Variants in DNER observed in about 807,000 individuals in gnomAD.
DNER encodes the protein delta and Notch-like epidermal growth factor-related receptor.
In DNER, 33 loss-of-function variants were observed where a neutral mutation model predicts 78.2. The observed-to-expected ratio is 0.42, with a 90% CI of 0.32 to 0.56. The LOEUF (loss-of-function observed/expected upper bound fraction) is 0.56. Ranked by LOEUF, DNER falls within the 20% of genes least tolerant of loss-of-function variation. The probability of loss-of-function intolerance (pLI) is 0.11; values close to 1 mark genes in which losing one functional copy is unlikely to be tolerated. For synonymous variants in DNER, 417 were observed against 384.8 expected, an observed-to-expected ratio of 1.08 and a Z score of -0.98; for missense variants, 918 against 975.3, an observed-to-expected ratio of 0.94 and a Z score of 0.78.
At chr2:229,686,317 C>T (rs1448944226) in intron 1 of DNER, among the ~76,000 whole-genome samples, 1 of 152,110 alleles carries the variant, frequency 6.6e-6, no homozygotes, top group Non-Finnish European at 1.5e-5. Context: ...ACCGCTGTCA[C>T]CACTGCCACC....
At chr2:229,484,360 C>T (rs1695227404) in intron 6 of DNER, among the ~76,000 whole-genome samples, 1 of 152,210 alleles carries the variant, frequency 6.6e-6, no homozygotes, top group African/African-American at 2.4e-5. Flanking sequence ...TTGGGAAACA[C>T]TGCAATGAGC....
intron 5 of DNER, among the ~76,000 whole-genome samples, chr2:229,536,750 T>A (rs1028667936): frequency 6.6e-6 from 1 of 152,220 alleles, no homozygotes; most frequent in African/African-American, 2.4e-5. Flanking sequence ...TCCCATACAG[T>A]TATGACATGA....
intron 6 of DNER, among the ~76,000 whole-genome samples, chr2:229,488,399 G>C (rs1695323534): frequency 6.6e-6 from 1 of 152,174 alleles, no homozygotes; most frequent in Non-Finnish European, 1.5e-5. Flanking sequence ...TTTTGTGTTT[G>C]TGTATGTGTT....
chr2:229,492,782 C>T (rs373027752), intron 6 of DNER, among the ~76,000 whole-genome samples: 104 of 152,302 alleles, frequency 6.8e-4, no homozygotes, highest in South Asian at 3.7e-3. Context: ...TAACCTCCTG[C>T]GGCAGCCTCT....
At chr2:229,507,515 A>G (rs1246716766) in intron 6 of DNER, among the ~76,000 whole-genome samples, 1 of 152,226 alleles carries the variant, frequency 6.6e-6, no homozygotes, top group Non-Finnish European at 1.5e-5. Flanking sequence ...GGAAATTTCA[A>G]ATCAATGGTT....
intron 6 of DNER, among the ~76,000 whole-genome samples, chr2:229,509,843 A>C (rs1441044701): frequency 1.3e-5 from 2 of 152,196 alleles, no homozygotes; most frequent in Non-Finnish European, 2.9e-5. Flanking sequence ...AAAATAAAAA[A>C]GGGGAGACAG....
intron 7 of DNER, among the ~76,000 whole-genome samples, chr2:229,464,605 C>G (rs1694764793): frequency 6.6e-6 from 1 of 152,108 alleles, no homozygotes; most frequent in South Asian, 2.1e-4. Flanking sequence ...TTTATCTAAC[C>G]TAGACTAATT....
intron 7 of DNER, 33 bp from the exon 8 acceptor site, chr2:229,447,573 TA>T (rs1447952052): frequency 6.3e-7 from 1 of 1,596,414 alleles, no homozygotes; most frequent in Non-Finnish European, 8.6e-7. Context: ...TTAAAAAAAC[TA>T]AAACACATTT....
At chr2:229,598,292 A>G (rs547873412) in intron 1 of DNER, among the ~76,000 whole-genome samples, 1 of 152,364 alleles carries the variant, frequency 6.6e-6, no homozygotes, top group Non-Finnish European at 1.5e-5. Flanking sequence ...ACTTTTACAG[A>G]CAACTCAATA....
intron 9 of DNER, among the ~76,000 whole-genome samples, chr2:229,410,545 C>G (rs766855696): frequency 6.6e-6 from 1 of 152,204 alleles, no homozygotes; most frequent in Non-Finnish European, 1.5e-5. Context: ...TGTGGAATGA[C>G]ACATGCATCA....
chr2:229,550,531 C>T (rs1030578020), intron 4 of DNER, among the ~76,000 whole-genome samples: 6 of 151,988 alleles, frequency 3.9e-5, no homozygotes, highest in Admixed American at 2.0e-4. Flanking sequence ...AATCTCAGCA[C>T]TTTTGGAGGC....
intron 1 of DNER, among the ~76,000 whole-genome samples, chr2:229,638,667 T>G (rs894264585): frequency 6.6e-6 from 1 of 152,206 alleles, no homozygotes; most frequent in African/African-American, 2.4e-5. Context: ...TCTGTTCTAA[T>G]TATTTAAATA....
At chr2:229,447,866 A>C (rs921234652) in intron 7 of DNER, among the ~76,000 whole-genome samples, 2 of 152,204 alleles carry the variant, frequency 1.3e-5, no homozygotes, top group African/African-American at 4.8e-5. Flanking sequence ...TCAAAAATAA[A>C]TTAATGGTAA....
intron 8 of DNER, among the ~76,000 whole-genome samples, chr2:229,424,839 T>A (rs1559348087): frequency 6.6e-6 from 1 of 152,112 alleles, no homozygotes; most frequent in Non-Finnish European, 1.5e-5. Flanking sequence ...GGAGCTTCCC[T>A]GTGCACTGTA....
chr2:229,373,950 G>C (rs1692545970), intron 11 of DNER, among the ~76,000 whole-genome samples: 2 of 152,126 alleles, frequency 1.3e-5, no homozygotes. Flanking sequence ...GGATAGCTTT[G>C]ATCTTAGGAG....
chr2:229,454,721 G>A (rs1327274358), intron 7 of DNER, among the ~76,000 whole-genome samples: 1 of 146,214 alleles, frequency 6.8e-6, no homozygotes, highest in African/African-American at 2.5e-5. Context: ...AAGGATCTGT[G>A]TTTTATTATT....
At chr2:229,528,829 C>A (rs1010374817) in intron 5 of DNER, among the ~76,000 whole-genome samples, 14 of 152,116 alleles carry the variant, frequency 9.2e-5, no homozygotes, top group Non-Finnish European at 1.5e-4. Context: ...AAATTCCAAC[C>A]CTTACTGAGA....
At chr2:229,671,074 A>C (rs1318959711) in intron 1 of DNER, among the ~76,000 whole-genome samples, 1 of 152,208 alleles carries the variant, frequency 6.6e-6, no homozygotes, top group Non-Finnish European at 1.5e-5. Flanking sequence ...TTTTATAATC[A>C]GAAAAAGATA....
intron 4 of DNER, among the ~76,000 whole-genome samples, chr2:229,573,321 A>G (rs1697247168): frequency 6.6e-6 from 1 of 152,204 alleles, no homozygotes; most frequent in Admixed American, 6.6e-5. Context: ...AGAGCATTTG[A>G]GATGAGAAAG....
Sources: allele counts gnomAD v4.1 joint callset (sites outside exome capture counted in the v4.1 genomes callset), GRCh38; gene constraint gnomAD v4.1.1; transcripts MANE v1.5; gene names NCBI Gene and HGNC (gene_info 2026-07-23, HGNC 2026-07-21).